The following CD38 variants were observed in gnomAD, a reference collection of about 807,000 sequenced individuals.
CD38 encodes the protein ADP-ribosyl cyclase/cyclic ADP-ribose hydrolase 1.
Under a neutral mutation model 36.3 loss-of-function variants are expected in CD38, and 31 were observed. That is an observed-to-expected ratio of 0.85 (90% CI 0.64 to 1.15). CD38 has a LOEUF of 1.15. Ranked by LOEUF, CD38 falls within the 50% of genes most tolerant of loss-of-function variation. CD38 has a pLI of 0.00. For synonymous variants in CD38, 131 were observed against 135.2 expected (o/e 0.97, Z 0.22); for missense variants, 380 against 371.9 (o/e 1.02, Z -0.18).
chr4:15,838,078 T>A lies in CD38; in HGVS notation c.586-14T>A, dbSNP rs759216064. On this transcript the variant is annotated splice_polypyrimidine_tract_variant and intron_variant, in intron 4 of 7. Transcript: ENST00000226279. ...AAGTTTGCATGATGAATGGTGGGCATTTTTTTTTTTAAGTTTGCAGAAGCT... is the reference window on the plus strand; with the variant it reads ...AAGTTTGCATGATGAATGGTGGGCAATTTTTTTTTTAAGTTTGCAGAAGCT... 1 of 685,458 alleles carries A rather than the reference T, an allele frequency of 1.5e-6. No individual in the cohort carries two copies. The highest frequency in any genetic ancestry group is 2.0e-6 in the Non-Finnish European group (1 of 492,618). The allele number at this position is 685,458 out of a possible 1,614,324, so 42.5% of individuals were successfully genotyped here.
chr4:15,840,221 A>G (rs1724172664), intron 6 of CD38, 103 bp downstream of exon 6: 1 of 861,660 alleles, frequency 1.2e-6, no homozygotes, highest in Non-Finnish European at 2.0e-6. Flanking sequence ...TCAGGAAATG[A>G]AACTACATGA....
rs1164074764 is a variant in CD38, at chr4:15,778,767, C to G, written c.233+120C>G. 1.4e-6 allele frequency: 1 copy of G among 709,522 alleles called. No individual in the cohort carries two copies. The highest frequency in any genetic ancestry group is 2.3e-6 in the Non-Finnish European group (1 of 428,138). 44.0% of individuals were successfully genotyped at this position (709,522 alleles called of 1,614,324 possible). ...TTCCGTGGCGGGTCAGCCGAGAGCC[C>G]GCCGGGTGGTGCTGAGTAGGGAGTC... On this transcript the variant is annotated intron_variant, in intron 1 of 7. Transcript: ENST00000226279. This position sits in a 1 kb window ranked among gnomAD's most constrained non-coding sequence, Gnocchi z 4.9.
chr4:15,800,117 C>T (rs1279653046), intron 1 of CD38, among the ~76,000 whole-genome samples: 1 of 152,158 alleles, frequency 6.6e-6, no homozygotes, highest in Non-Finnish European at 1.5e-5. Flanking sequence ...GTCCAAGCCT[C>T]TAATAAACTC....
At chr4:15,812,536 AAATAAT>A (rs1198342172) in intron 1 of CD38, among the ~76,000 whole-genome samples, 1 of 152,168 alleles carries the variant, frequency 6.6e-6, no homozygotes, top group African/African-American at 2.4e-5. Context: ...TCTCTACTAA[AAATAAT>A]AATAATAAAA....
rs7655746 is a variant in CD38 at position 15,805,101 on chromosome 4, C to T, written c.234-11410C>T. The stretch of plus-strand genomic sequence containing the variant: ...AGTTTTTTTGATCTTATTATTGACT[C>T]GTAGGAAGCTTATATATTCTGAAAA... On this transcript the variant is annotated intron_variant, in intron 1 of 7. Transcript: ENST00000226279. Among the ~76,000 whole-genome samples the T allele has an allele frequency of 7.4e-3, 1,123 of 151,992 alleles. 12 individuals carry two copies. The highest frequency in any genetic ancestry group is 0.026 in the African/African-American group (1,067 of 41,468).
At chr4:15,819,614 A>G (rs1723687569) in intron 2 of CD38, among the ~76,000 whole-genome samples, 1 of 152,210 alleles carries the variant, frequency 6.6e-6, no homozygotes, top group Non-Finnish European at 1.5e-5. Flanking sequence ...ACAAGTATCA[A>G]TAACCAAATA....
chr4:15,803,682 A>C lies in CD38; in HGVS notation c.234-12829A>C, dbSNP rs1397470961. Among the ~76,000 whole-genome samples, 4 of 152,330 alleles carry C rather than the reference A, an allele frequency of 2.6e-5. No individual in the cohort carries two copies. In the East Asian group the frequency reaches 7.7e-4, roughly 29 times the overall value. On this transcript the variant is annotated intron_variant, in intron 1 of 7. Coordinates refer to ENST00000226279, the MANE Select transcript of CD38 (RefSeq NM_001775.4). ...TAAAACATTTCAGCTTTTACTTTAG[A>C]TTCAGGGGTTACATGTGCAGGTGTA...
chr4:15,800,922 C>A (rs886907026), intron 1 of CD38, among the ~76,000 whole-genome samples: 10 of 151,798 alleles, frequency 6.6e-5, no homozygotes, highest in African/African-American at 2.4e-4. Context: ...CCCCAAACTC[C>A]AAATTAGTAG....
intron 1 of CD38, among the ~76,000 whole-genome samples, chr4:15,814,812 GTTTTTTT>G (rs566976363): frequency 2.8e-4 from 31 of 112,614 alleles, no homozygotes; most frequent in African/African-American, 8.0e-4. Context: ...TTTGTTTTTT[GTTTTTTT>G]TTTTTGAGAT....
At chr4:15,785,539 C>CTTT (rs34989864) in intron 1 of CD38, among the ~76,000 whole-genome samples, 3 of 147,802 alleles carry the variant, frequency 2.0e-5, no homozygotes, top group African/African-American at 7.4e-5. Context: ...CGTTCCTTTT[C>CTTT]TTTTTTTTTT....
At position 15,785,931 on chromosome 4, in the gene CD38, G is replaced by A. The variant is rs376740394; in HGVS notation, c.233+7284G>A. Among the ~76,000 whole-genome samples the A allele has an allele frequency of 5.9e-5, 9 of 152,224 alleles. No homozygotes were observed. The South Asian group carries it at 6.2e-4, about 11-fold the overall frequency. ...TTCCTTCTGGTGGGCTCGTGGTCTC[G>A]CTGGCTTCAGGAGTGAAGCTGCAGA... On this transcript the variant is annotated intron_variant, in intron 1 of 7. Coordinates refer to ENST00000226279, the MANE Select transcript of CD38 (RefSeq NM_001775.4).
chr4:15,784,021 G>A (rs1161151459), intron 1 of CD38, among the ~76,000 whole-genome samples: 1 of 152,206 alleles, frequency 6.6e-6, no homozygotes, highest in East Asian at 1.9e-4. Flanking sequence ...CCAGGATCCT[G>A]CAGTGGGAGG....
At chr4:15,814,411 G>A (rs1291138001) in intron 1 of CD38, among the ~76,000 whole-genome samples, 2 of 152,160 alleles carry the variant, frequency 1.3e-5, no homozygotes, top group Admixed American at 6.5e-5. Flanking sequence ...TCTGATGGTA[G>A]TTTCTTTTGG....
At chr4:15,810,366 A>T (rs1723442597) in intron 1 of CD38, among the ~76,000 whole-genome samples, 1 of 152,216 alleles carries the variant, frequency 6.6e-6, no homozygotes, top group Non-Finnish European at 1.5e-5. Flanking sequence ...CTTTCCTGCC[A>T]GATCTTTTGT....
chr4:15,781,023 G>A (rs1365898618), intron 1 of CD38, among the ~76,000 whole-genome samples: 5 of 152,250 alleles, frequency 3.3e-5, no homozygotes, highest in East Asian at 3.9e-4. Context: ...TGGGAGAATC[G>A]CTTGAACCCA....
intron 1 of CD38, among the ~76,000 whole-genome samples, chr4:15,796,354 A>G (rs1160749179): frequency 1.3e-5 from 2 of 152,074 alleles, no homozygotes; most frequent in African/African-American, 4.8e-5. Flanking sequence ...GGCTTTCTTC[A>G]TTTTTCCTAC....
At chr4:15,825,629 T>C (rs1723830314) in intron 3 of CD38, 1 of 152,354 alleles carries the variant, frequency 6.6e-6, no homozygotes, top group Non-Finnish European at 1.5e-5. Flanking sequence ...AAAAATTGAC[T>C]TCAGAGTTGG....
Position 15,787,015 on chromosome 4 carries a change from G to A in CD38, c.233+8368G>A, listed in dbSNP as rs569978347. On this transcript the variant is annotated intron_variant, in intron 1 of 7. Transcript: ENST00000226279. The stretch of plus-strand genomic sequence containing the variant: ...TCACTGTCCGGGGCCTGCTGCGCTC[G>A]CCGGCCGCTCAGAGTGCGGCCTGGG... Among the ~76,000 whole-genome samples, 13 of 151,992 alleles carry A rather than the reference G, an allele frequency of 8.6e-5. No homozygotes were observed. The East Asian group carries it at 2.3e-3, about 27-fold the overall frequency.
intron 1 of CD38, among the ~76,000 whole-genome samples, chr4:15,796,669 A>T (rs1331278508): frequency 6.6e-6 from 1 of 152,112 alleles, no homozygotes; most frequent in Non-Finnish European, 1.5e-5. Flanking sequence ...TCAGAGGCAA[A>T]TACTGCTACT....
Sources: gnomAD v4.1 joint callset for allele counts (sites outside exome capture counted in the v4.1 genomes callset) on GRCh38, gnomAD v4.1.1 for gene constraint, Gnocchi (gnomAD v3.1) non-coding constraint, MANE v1.5 for transcripts, NCBI Gene and HGNC (gene_info 2026-07-23, HGNC 2026-07-21) for gene names.